The following CIMIP6 variants were observed in gnomAD, a reference collection of about 807,000 sequenced individuals.
CIMIP6 encodes the protein ciliary microtubule inner protein 6.
the CIMIP6 span, chr2:54,343,913 A>T: frequency 6.8e-7 from 1 of 1,466,352 alleles, no homozygotes; most frequent in African/African-American, 1.4e-5. Context: ...ATGTTATCTC[A>T]AATTATTGCT....
At chr2:54,376,517 T>C in the CIMIP6 span, among the ~76,000 whole-genome samples, 4 of 152,200 alleles carry the variant, frequency 2.6e-5, no homozygotes, top group East Asian at 7.7e-4. Context: ...GATTTTACAT[T>C]TGAGGCTATG....
the CIMIP6 span, among the ~76,000 whole-genome samples, chr2:54,372,030 C>T: frequency 6.6e-6 from 1 of 152,200 alleles, no homozygotes; most frequent in Non-Finnish European, 1.5e-5. Context: ...TAGCTGCTAA[C>T]GTTCATGGAA....
the CIMIP6 span, among the ~76,000 whole-genome samples, chr2:54,353,472 G>T: frequency 6.6e-6 from 1 of 152,046 alleles, no homozygotes; most frequent in Non-Finnish European, 1.5e-5. Flanking sequence ...TAGTTGATAG[G>T]CTTCTGGTTT....
the CIMIP6 span, chr2:54,383,636 ATTG>A: frequency 6.6e-6 from 1 of 151,562 alleles, no homozygotes; most frequent in South Asian, 2.1e-4. Flanking sequence ...CATAGCATTT[ATTG>A]TTCTCTACCA....
the CIMIP6 span, among the ~76,000 whole-genome samples, chr2:54,365,633 C>T: frequency 1.3e-5 from 2 of 152,174 alleles, no homozygotes; most frequent in African/African-American, 4.8e-5. Context: ...TTGTAAACTT[C>T]CTGAGGCCTC....
At chr2:54,345,052 T>C in the CIMIP6 span, among the ~76,000 whole-genome samples, 1 of 152,212 alleles carries the variant, frequency 6.6e-6, no homozygotes, top group Non-Finnish European at 1.5e-5. Flanking sequence ...GTAATACTAT[T>C]AATATTCTTA....
the CIMIP6 span, chr2:54,358,983 C>G: frequency 7.8e-6 from 12 of 1,547,778 alleles, no homozygotes; most frequent in Non-Finnish European, 1.0e-5. Context: ...CCTGGTACAT[C>G]AGCAGAACTT....
At chr2:54,360,300 C>A in the CIMIP6 span, 1 of 1,611,942 alleles carries the variant, frequency 6.2e-7, no homozygotes, top group African/African-American at 1.3e-5. Flanking sequence ...GGGTCACGTT[C>A]ATCAGAACAG....
chr2:54,358,264 CT>C, the CIMIP6 span, among the ~76,000 whole-genome samples: 3 of 152,222 alleles, frequency 2.0e-5, no homozygotes, highest in Non-Finnish European at 4.4e-5. Flanking sequence ...AATTTCTACC[CT>C]GTGGCCACAG....
At chr2:54,332,834 G>C in the CIMIP6 span, among the ~76,000 whole-genome samples, 1 of 152,130 alleles carries the variant, frequency 6.6e-6, no homozygotes, top group African/African-American at 2.4e-5. Flanking sequence ...TGACCCCAAA[G>C]ACTCTACCTT....
the CIMIP6 span, among the ~76,000 whole-genome samples, chr2:54,362,973 CATCT>C: frequency 1.3e-5 from 2 of 152,128 alleles, no homozygotes; most frequent in Non-Finnish European, 2.9e-5. Flanking sequence ...AATATTTGAC[CATCT>C]ATTAAACTTA....
the CIMIP6 span, chr2:54,335,134 T>G: frequency 9.8e-6 from 8 of 815,588 alleles, no homozygotes; most frequent in East Asian, 2.2e-4. Context: ...GAGTAGTACT[T>G]ATCATAATCC....
chr2:54,363,840 AT>A, the CIMIP6 span, among the ~76,000 whole-genome samples: 1 of 152,210 alleles, frequency 6.6e-6, no homozygotes, highest in Non-Finnish European at 1.5e-5. Flanking sequence ...CCATTAGGAA[AT>A]AACACATTCT....
chr2:54,377,028 G>A, the CIMIP6 span, among the ~76,000 whole-genome samples: 2 of 152,168 alleles, frequency 1.3e-5, no homozygotes, highest in African/African-American at 2.4e-5. Flanking sequence ...CCGTTTTCCT[G>A]ACTTCGGTTC....
the CIMIP6 span, among the ~76,000 whole-genome samples, chr2:54,331,905 A>G: frequency 6.6e-6 from 1 of 152,258 alleles, no homozygotes; most frequent in Non-Finnish European, 1.5e-5. Context: ...TCAGCGAAAC[A>G]GCTGGTTAAA....
the CIMIP6 span, among the ~76,000 whole-genome samples, chr2:54,349,942 C>T: frequency 5.1e-4 from 78 of 151,992 alleles, no homozygotes; most frequent in Non-Finnish European, 1.5e-4. Context: ...CTCTGTCTCC[C>T]GGGCTCAAGA....
chr2:54,355,952 T>C, the CIMIP6 span, among the ~76,000 whole-genome samples: 2 of 152,178 alleles, frequency 1.3e-5, no homozygotes, highest in Non-Finnish European at 2.9e-5. Context: ...GGGGAATCAG[T>C]AGGCCTGTGC....
chr2:54,339,945 T>G, the CIMIP6 span: 1 of 324,728 alleles, frequency 3.1e-6, no homozygotes, highest in Non-Finnish European at 4.1e-6. Context: ...AAAACATCTC[T>G]GAGAGCTTAG....
At chr2:54,343,999 C>A in the CIMIP6 span, 2 of 890,020 alleles carry the variant, frequency 2.2e-6, no homozygotes, top group Non-Finnish European at 3.2e-6. Context: ...AAAATACACA[C>A]ACAGCAAATA....
Sources: gnomAD v4.1 joint callset for allele counts (sites outside exome capture counted in the v4.1 genomes callset) on GRCh38, gnomAD v4.1.1 for gene constraint, MANE v1.5 for transcripts, NCBI Gene and HGNC (gene_info 2026-07-23, HGNC 2026-07-21) for gene names.